Variants in OR2L13 observed in about 807,000 individuals in gnomAD.
OR2L13 encodes the protein olfactory receptor 2L13.
A neutral mutation model predicts 15.3 loss-of-function variants in OR2L13; 14 were observed. The ratio of observed to expected loss-of-function variants is 0.91; its 90% confidence interval spans 0.60 to 1.43. The LOEUF is 1.43. Among genes scored for constraint, OR2L13 ranks in the 40% most tolerant of loss-of-function variants. The pLI, the probability that OR2L13 is intolerant of heterozygous loss-of-function variation, is 0.00. For synonymous variants in OR2L13, 152 were observed against 142.9 expected (o/e 1.06, Z -0.45); for missense variants, 367 against 387.9 (o/e 0.95, Z 0.45).
At chr1:247,984,087 A>G in the OR2L13 span, among the ~76,000 whole-genome samples, 2 of 152,102 alleles carry the variant, frequency 1.3e-5, no homozygotes, top group African/African-American at 2.4e-5. Context: ...GATTTGCTTC[A>G]AGGTTCCGTC....
the OR2L13 span, among the ~76,000 whole-genome samples, chr1:247,986,208 T>A: frequency 3.4e-3 from 521 of 152,246 alleles, 3 homozygotes; most frequent in African/African-American, 0.012. Flanking sequence ...CTGAATGGTA[T>A]TGCCTAGGTT....
chr1:248,047,183 C>G, the OR2L13 span, among the ~76,000 whole-genome samples: 1 of 152,086 alleles, frequency 6.6e-6, no homozygotes, highest in South Asian at 2.1e-4. Flanking sequence ...ATTAAAGAAC[C>G]CACATTCATA....
the OR2L13 span, among the ~76,000 whole-genome samples, chr1:247,940,448 C>T: frequency 6.6e-6 from 1 of 152,028 alleles, no homozygotes; most frequent in Non-Finnish European, 1.5e-5. Context: ...TAATAAATAT[C>T]ATAAAGTATT....
the OR2L13 span, among the ~76,000 whole-genome samples, chr1:248,087,200 T>TA: frequency 0.043 from 6,421 of 147,760 alleles, 432 homozygotes; most frequent in African/African-American, 0.15. Flanking sequence ...TACTCTTCAG[T>TA]AAAAAAAAAA....
chr1:248,010,168 C>T, the OR2L13 span, among the ~76,000 whole-genome samples: 2 of 152,032 alleles, frequency 1.3e-5, no homozygotes, highest in Admixed American at 6.6e-5. Context: ...GTGGCCAAGG[C>T]AATCAGGCAG....
chr1:247,957,005 G>A, the OR2L13 span, among the ~76,000 whole-genome samples: 3 of 152,250 alleles, frequency 2.0e-5, no homozygotes, highest in East Asian at 3.9e-4. Context: ...GTGAGAGAGG[G>A]CATCCCTGTC....
At chr1:247,957,490 A>G in the OR2L13 span, among the ~76,000 whole-genome samples, 1 of 152,020 alleles carries the variant, frequency 6.6e-6, no homozygotes, top group South Asian at 2.1e-4. Context: ...CTCTTTTTCT[A>G]TTGGTTGGAA....
the OR2L13 span, chr1:247,937,650 C>G: frequency 1.3e-5 from 2 of 155,184 alleles, no homozygotes; most frequent in African/African-American, 4.8e-5. Context: ...CCTCCCCTCC[C>G]ATCAGCAGCT....
the OR2L13 span, chr1:247,990,952 T>C: frequency 6.8e-7 from 1 of 1,473,350 alleles, no homozygotes; most frequent in South Asian, 1.1e-5. Flanking sequence ...CCACATGCAC[T>C]CTGCAGAAGG....
At chr1:248,004,022 G>C in the OR2L13 span, 1 of 1,613,486 alleles carries the variant, frequency 6.2e-7, no homozygotes, top group Non-Finnish European at 8.5e-7. Context: ...GGAGGTGATG[G>C]GGGCCCTGAC....
chr1:247,947,511 A>G, the OR2L13 span, among the ~76,000 whole-genome samples: 1 of 152,228 alleles, frequency 6.6e-6, no homozygotes, highest in Non-Finnish European at 1.5e-5. Flanking sequence ...ACCTCTACCT[A>G]GAAGTCTGTC....
At chr1:248,059,777 G>A in the OR2L13 span, among the ~76,000 whole-genome samples, 1 of 152,190 alleles carries the variant, frequency 6.6e-6, no homozygotes, top group East Asian at 1.9e-4. Context: ...GGGTGGGGAA[G>A]CTCATGACTG....
At chr1:247,966,113 TTG>T in the OR2L13 span, 2,223 of 1,614,168 alleles carry the variant, frequency 1.4e-3, 26 homozygotes, top group African/African-American at 0.023. Flanking sequence ...TCCCACCTGA[TTG>T]TGGCAAGCCT....
At chr1:248,033,813 T>G in the OR2L13 span, among the ~76,000 whole-genome samples, 1 of 152,210 alleles carries the variant, frequency 6.6e-6, no homozygotes, top group East Asian at 1.9e-4. Context: ...TCTGTAGTTC[T>G]TGGAAGTGGA....
At chr1:248,042,856 G>A in the OR2L13 span, among the ~76,000 whole-genome samples, 3 of 151,914 alleles carry the variant, frequency 2.0e-5, no homozygotes, top group Non-Finnish European at 2.9e-5. Flanking sequence ...AATATAATTT[G>A]AAATTTGATA....
chr1:247,960,830 T>C, the OR2L13 span, among the ~76,000 whole-genome samples: 7 of 152,342 alleles, frequency 4.6e-5, 1 homozygote, highest in South Asian at 2.1e-4. Flanking sequence ...TTCCAGGTGC[T>C]GTCTGTCACC....
the OR2L13 span, among the ~76,000 whole-genome samples, chr1:248,052,803 A>G: frequency 1.3e-5 from 2 of 151,952 alleles, no homozygotes; most frequent in African/African-American, 4.8e-5. Flanking sequence ...AGATTTTTTG[A>G]CTACTGAGGA....
chr1:247,957,443 TG>T, the OR2L13 span, among the ~76,000 whole-genome samples: 1 of 152,340 alleles, frequency 6.6e-6, no homozygotes, highest in East Asian at 1.9e-4. Context: ...GGTATCAGGA[TG>T]ATGCTGGCTT....
the OR2L13 span, among the ~76,000 whole-genome samples, chr1:248,002,727 G>A: frequency 2.6e-5 from 4 of 152,130 alleles, no homozygotes; most frequent in East Asian, 1.9e-4. Flanking sequence ...GCGTGGTGGC[G>A]GGCGCCTGTA....
Sources: gnomAD v4.1 joint callset for allele counts (sites outside exome capture counted in the v4.1 genomes callset) on GRCh38, gnomAD v4.1.1 for gene constraint, MANE v1.5 for transcripts, NCBI Gene and HGNC (gene_info 2026-07-23, HGNC 2026-07-21) for gene names.